The following CNTNAP2 variants were observed in gnomAD, a reference collection of about 807,000 sequenced individuals.
CNTNAP2 encodes contactin associated protein 2, also known as contactin-associated protein-like 2.
CNTNAP2 carries 98 observed loss-of-function variants against 155.2 expected under a neutral mutation model. The ratio of observed to expected loss-of-function variants is 0.63; its 90% CI spans 0.54 to 0.75. CNTNAP2 has a LOEUF of 0.75. CNTNAP2 is among the 30% of genes least tolerant of loss of function. The pLI is 0.00. For synonymous variants in CNTNAP2, 651 were observed against 631.2 expected, an observed-to-expected ratio of 1.03 and a Z score of -0.47; for missense variants, 1,727 against 1,688.1, an observed-to-expected ratio of 1.02 and a Z score of -0.40.
intron 1 of CNTNAP2, among the ~76,000 whole-genome samples, chr7:146,479,185 A>G (rs1796923568): frequency 6.6e-6 from 1 of 152,310 alleles, no homozygotes; most frequent in Non-Finnish European, 1.5e-5. Flanking sequence ...TGGAGGCTGC[A>G]GGATGTTACT....
intron 13 of CNTNAP2, among the ~76,000 whole-genome samples, chr7:147,861,814 G>A (rs1051980309): frequency 6.6e-5 from 10 of 151,910 alleles, no homozygotes; most frequent in Non-Finnish European, 1.2e-4. Context: ...TCAGGAGTTC[G>A]AGAGCAGCCT....
At chr7:147,706,274 A>T (rs1796315243) in intron 13 of CNTNAP2, among the ~76,000 whole-genome samples, 1 of 149,628 alleles carries the variant, frequency 6.7e-6, no homozygotes, top group Non-Finnish European at 1.5e-5. Flanking sequence ...TCATCCTATC[A>T]CTTCCAGGTG....
At chr7:148,006,776 G>A (rs1801990201) in intron 15 of CNTNAP2, among the ~76,000 whole-genome samples, 3 of 151,958 alleles carry the variant, frequency 2.0e-5, no homozygotes, top group South Asian at 4.1e-4. Flanking sequence ...AGAATTTATG[G>A]AAGAAATCTC....
intron 13 of CNTNAP2, among the ~76,000 whole-genome samples, chr7:147,714,100 A>G (rs1291404206): frequency 6.6e-6 from 1 of 152,070 alleles, no homozygotes; most frequent in East Asian, 1.9e-4. Context: ...CATCTTATTA[A>G]TACACATAAG....
At chr7:147,790,395 CAGTA>C (rs1797801792) in intron 13 of CNTNAP2, among the ~76,000 whole-genome samples, 1 of 152,190 alleles carries the variant, frequency 6.6e-6, no homozygotes, top group African/African-American at 2.4e-5. Context: ...GAACAGAGTT[CAGTA>C]AGTATTTGTC....
chr7:146,844,707 C>T (rs960050204), intron 3 of CNTNAP2, among the ~76,000 whole-genome samples: 1 of 152,102 alleles, frequency 6.6e-6, no homozygotes, highest in African/African-American at 2.4e-5. Flanking sequence ...TCTTTACACA[C>T]CACTATTATT....
chr7:147,032,255 T>C (rs145728955), intron 3 of CNTNAP2, among the ~76,000 whole-genome samples: 147 of 152,366 alleles, frequency 9.6e-4, no homozygotes, highest in African/African-American at 3.4e-3. Context: ...AAATGTATTA[T>C]GATATAGGTA....
chr7:148,126,842 T>A (rs908552735), intron 16 of CNTNAP2, among the ~76,000 whole-genome samples: 2 of 152,180 alleles, frequency 1.3e-5, no homozygotes, highest in African/African-American at 2.4e-5. Context: ...ATAGGCCAAC[T>A]GTTCGCCTGG....
chr7:148,054,390 A>ATG (rs1055097604), intron 15 of CNTNAP2, among the ~76,000 whole-genome samples: 37 of 151,416 alleles, frequency 2.4e-4, no homozygotes, highest in African/African-American at 9.0e-4. Context: ...TAATCACAAA[A>ATG]TGGGACTAGA....
intron 2 of CNTNAP2, among the ~76,000 whole-genome samples, chr7:146,795,799 T>C (rs1280957148): frequency 1.3e-5 from 2 of 152,128 alleles, no homozygotes; most frequent in Admixed American, 6.5e-5. Flanking sequence ...TAGGAAGACA[T>C]CCCAGAAAAA....
chr7:148,287,940 T>C (rs1379300269), intron 21 of CNTNAP2, among the ~76,000 whole-genome samples: 1 of 148,666 alleles, frequency 6.7e-6, no homozygotes, highest in Non-Finnish European at 1.5e-5. Context: ...TACAGGCACG[T>C]GCCACCACGC....
chr7:147,881,445 T>C (rs1799518592), intron 13 of CNTNAP2, among the ~76,000 whole-genome samples: 1 of 152,188 alleles, frequency 6.6e-6, no homozygotes, highest in East Asian at 1.9e-4. Context: ...AGAGAATATA[T>C]ACTGAGTTAT....
chr7:148,059,541 C>T (rs564667573), intron 15 of CNTNAP2, among the ~76,000 whole-genome samples: 53 of 147,930 alleles, frequency 3.6e-4, no homozygotes, highest in African/African-American at 1.3e-3. Context: ...TGAGCTGAGA[C>T]GGTGCCCCAT....
At chr7:147,242,987 A>ATTTTTTTTTTTT (rs766917054) in intron 8 of CNTNAP2, among the ~76,000 whole-genome samples, 520 of 47,154 alleles carry the variant, frequency 0.011, 160 homozygotes, top group East Asian at 0.046. Context: ...TATGCTTTGC[A>ATTTTTTTTTTTT]TTTTTTTTTT....
rs80007043 is a variant in CNTNAP2 at position 147,201,107 on chromosome 7, G to A, written c.1348+68598G>A. On this transcript the variant is annotated intron_variant, in intron 8 of 23. Coordinates refer to ENST00000361727, the MANE Select transcript of CNTNAP2 (RefSeq NM_014141.6). ...TAATTCTAACATGATTTCAGTCATC[G>A]GCCAGGATGTGGGGCAGTGTTTTGA... Among the ~76,000 whole-genome samples, 501 of 152,204 alleles carry A rather than the reference G, an allele frequency of 3.3e-3. 5 individuals carry two copies. The highest frequency in any genetic ancestry group is 0.011 in the African/African-American group (449 of 41,536).
chr7:146,851,232 G>A (rs1309294695), intron 3 of CNTNAP2, among the ~76,000 whole-genome samples: 1 of 152,034 alleles, frequency 6.6e-6, no homozygotes, highest in African/African-American at 2.4e-5. Context: ...TGATTCACTA[G>A]CCTCGGCCTC....
At chr7:148,087,216 C>T (rs1036131929) in intron 15 of CNTNAP2, among the ~76,000 whole-genome samples, 1 of 152,012 alleles carries the variant, frequency 6.6e-6, no homozygotes, top group Non-Finnish European at 1.5e-5. Flanking sequence ...TGTGGGGCCC[C>T]ATGTTGTTAG....
intron 1 of CNTNAP2, among the ~76,000 whole-genome samples, chr7:146,238,811 A>G (rs1263758373): frequency 2.0e-5 from 3 of 152,162 alleles, no homozygotes; most frequent in African/African-American, 7.2e-5. Flanking sequence ...GAGGCAAGGC[A>G]CCTTCTTCAC....
At chr7:147,798,726 A>G (rs565136130) in intron 13 of CNTNAP2, among the ~76,000 whole-genome samples, 1 of 152,198 alleles carries the variant, frequency 6.6e-6, no homozygotes, top group African/African-American at 2.4e-5. Flanking sequence ...TGGATTTACC[A>G]TGATTGATTT....
Sources: allele counts gnomAD v4.1 joint callset (sites outside exome capture counted in the v4.1 genomes callset), GRCh38; gene constraint gnomAD v4.1.1; transcripts MANE v1.5; gene names NCBI Gene and HGNC (gene_info 2026-07-23, HGNC 2026-07-21).